EMID1: variants seen among roughly 807,000 people sequenced by gnomAD.
EMID1 encodes the protein EMI domain-containing protein 1.
Under a neutral mutation model 60.6 loss-of-function variants are expected in EMID1, and 40 were observed. The observed-to-expected ratio is 0.66, with a 90% CI of 0.51 to 0.86. The LOEUF (loss-of-function observed/expected upper bound fraction) is 0.86, where lower values mean the gene tolerates loss of function less well. Ranked by LOEUF, EMID1 falls within the 40% of genes least tolerant of loss-of-function variation. EMID1 has a pLI of 0.00. For missense variants in EMID1, 585 were observed against 597.1 expected, an observed-to-expected ratio of 0.98 and a Z score of 0.21; for synonymous variants, 242 against 231.0, an observed-to-expected ratio of 1.05 and a Z score of -0.43.
chr22:29,221,336 C>T (rs1391154479), intron 3 of EMID1, among the ~76,000 whole-genome samples: 1 of 152,044 alleles, frequency 6.6e-6, no homozygotes, highest in Non-Finnish European at 1.5e-5. Context: ...TGACCAAACA[C>T]CAATGGGAGG....
chr22:29,212,516 G>A (rs1045346957), intron 1 of EMID1, among the ~76,000 whole-genome samples: 1 of 151,492 alleles, frequency 6.6e-6, no homozygotes, highest in African/African-American at 2.4e-5. Flanking sequence ...TATCATGGGT[G>A]CCTGGGGCAC....
intron 3 of EMID1, among the ~76,000 whole-genome samples, chr22:29,217,180 C>T (rs1260711579): frequency 6.6e-6 from 1 of 152,232 alleles, no homozygotes; most frequent in Non-Finnish European, 1.5e-5. Flanking sequence ...GGCAGACCTT[C>T]CTGGTCTCTG....
At chr22:29,220,575 G>A (rs937689878) in intron 3 of EMID1, among the ~76,000 whole-genome samples, 24 of 148,838 alleles carry the variant, frequency 1.6e-4, no homozygotes, top group Non-Finnish European at 2.5e-4. Context: ...CTCGGGGGTC[G>A]GTTGTGAACG....
intron 13 of EMID1, among the ~76,000 whole-genome samples, chr22:29,249,583 C>G (rs1407298646): frequency 7.3e-6 from 1 of 137,812 alleles, no homozygotes; most frequent in African/African-American, 2.8e-5. Context: ...CCCAAAATAC[C>G]TTTATTATTT....
At chr22:29,209,066 C>T (rs1173988261) in intron 1 of EMID1, among the ~76,000 whole-genome samples, 7 of 152,236 alleles carry the variant, frequency 4.6e-5, no homozygotes, top group Non-Finnish European at 8.8e-5. Flanking sequence ...CCTGCCCGCC[C>T]GGTCCTTTCT....
At chr22:29,225,105 A>G in intron 3 of EMID1, 28 bp from the exon 4 acceptor site, 1 of 1,611,914 alleles carries the variant, frequency 6.2e-7, no homozygotes, top group Non-Finnish European at 8.5e-7. Flanking sequence ...ATCACATGCC[A>G]GCAGGGCTCT....
At chr22:29,233,797 C>T (rs572559275) in intron 10 of EMID1, 131 bp downstream of exon 10, 2 of 915,336 alleles carry the variant, frequency 2.2e-6, no homozygotes, top group African/African-American at 3.3e-5. Flanking sequence ...TCCATTCATT[C>T]ATTCAACAAG....
At chr22:29,208,893 A>G (rs1191407987) in intron 1 of EMID1, among the ~76,000 whole-genome samples, 1 of 152,194 alleles carries the variant, frequency 6.6e-6, no homozygotes, top group Non-Finnish European at 1.5e-5. Context: ...ATTTGAGTGA[A>G]GCTTCCCCCG....
chr22:29,227,352 A>C (rs907749663), intron 5 of EMID1, among the ~76,000 whole-genome samples: 2 of 151,800 alleles, frequency 1.3e-5, no homozygotes, highest in Non-Finnish European at 2.9e-5. Flanking sequence ...GGCCTCCCAA[A>C]GTGCTGGGAT....
At chr22:29,258,376 G>A (rs1265194329) in intron 14 of EMID1, among the ~76,000 whole-genome samples, 4 of 152,180 alleles carry the variant, frequency 2.6e-5, no homozygotes, top group Non-Finnish European at 4.4e-5. Flanking sequence ...GTCAGTGGCA[G>A]AGCCTGGCCT....
chr22:29,232,081 T>G, intron 7 of EMID1, 175 bp from the exon 8 acceptor site: 1 of 660,548 alleles, frequency 1.5e-6, no homozygotes, highest in Non-Finnish European at 2.6e-6. Flanking sequence ...CTGGACGAGG[T>G]GGAGAACTAG....
intron 13 of EMID1, among the ~76,000 whole-genome samples, chr22:29,245,585 C>T (rs572139398): frequency 6.6e-6 from 1 of 152,350 alleles, no homozygotes; most frequent in South Asian, 2.1e-4. Context: ...GCTGGGGGAA[C>T]AGCTCTGTTG....
At chr22:29,215,181 C>T in intron 2 of EMID1, 142 bp downstream of exon 2, 5 of 1,418,964 alleles carry the variant, frequency 3.5e-6, no homozygotes, top group Non-Finnish European at 4.6e-6. Flanking sequence ...CAGCCGACAC[C>T]ATTCTCAGCC....
At chr22:29,256,364 C>T (rs2041706662) in intron 14 of EMID1, among the ~76,000 whole-genome samples, 1 of 150,200 alleles carries the variant, frequency 6.7e-6, no homozygotes, top group South Asian at 2.1e-4. Context: ...ACTCGGGAGG[C>T]TGAGGCGGAG....
intron 3 of EMID1, among the ~76,000 whole-genome samples, chr22:29,224,541 G>A (rs752959875): frequency 2.0e-5 from 3 of 152,236 alleles, no homozygotes; most frequent in East Asian, 1.9e-4. Flanking sequence ...CAGGCAGCCA[G>A]CCTCCCTCTG....
In EMID1 at chr22:29,254,418, G is replaced by A. The variant is rs1418914584; in HGVS notation, c.1204+131G>A. The A allele has an allele frequency of 3.0e-5, 25 of 832,846 alleles. 1 individual carries two copies. The highest frequency in any genetic ancestry group is 1.4e-5 in the Non-Finnish European group (7 of 504,410). The allele number at this position is 832,846 out of a possible 1,614,324, so 51.6% of individuals were successfully genotyped here. A position where few individuals can be genotyped will look rare whatever the true frequency, so the allele number is the denominator to read the frequency against. On this transcript the variant is annotated intron_variant, in intron 14 of 14. Transcript: ENST00000334018. ...AAGGTGCCTGCCCCAGGCAAGCATG[G>A]ACCTGAGAGGCCACAACCACCCTTC...
At chr22:29,215,831 C>T (rs966277211) in intron 3 of EMID1, among the ~76,000 whole-genome samples, 4 of 152,184 alleles carry the variant, frequency 2.6e-5, no homozygotes, top group Admixed American at 2.6e-4. Flanking sequence ...TCTTGGGAGA[C>T]TCTCAGGACC....
At chr22:29,207,753 G>A (rs993400384) in intron 1 of EMID1, among the ~76,000 whole-genome samples, 3 of 152,240 alleles carry the variant, frequency 2.0e-5, no homozygotes, top group African/African-American at 7.2e-5. Context: ...CCATTGTACA[G>A]ATACGGAGGC....
At chr22:29,212,744 T>C (rs1015694783) in intron 1 of EMID1, among the ~76,000 whole-genome samples, 2 of 152,056 alleles carry the variant, frequency 1.3e-5, no homozygotes, top group East Asian at 1.9e-4. Context: ...TTTGTATTTT[T>C]AGTAGAGACA....
Sources: allele counts gnomAD v4.1 joint callset (sites outside exome capture counted in the v4.1 genomes callset), GRCh38; gene constraint gnomAD v4.1.1; transcripts MANE v1.5; gene names NCBI Gene and HGNC (gene_info 2026-07-23, HGNC 2026-07-21).